USH2A: variants seen among roughly 807,000 people sequenced by gnomAD.
USH2A encodes the protein usherin.
USH2A carries 443 observed loss-of-function variants against 538.9 expected under a neutral mutation model. The ratio of observed to expected loss-of-function variants is 0.82; its 90% CI spans 0.76 to 0.89. The LOEUF is 0.89. Ranked by LOEUF, USH2A falls within the 40% of genes least tolerant of loss-of-function variation. The pLI is 0.00. For synonymous variants in USH2A, 2,413 were observed against 2,273.5 expected, an observed-to-expected ratio of 1.06 and a Z score of -1.75; for missense variants, 6,633 against 6,324.8, an observed-to-expected ratio of 1.05 and a Z score of -1.65.
intron 21 of USH2A, among the ~76,000 whole-genome samples, chr1:216,163,506 C>G (rs1223008817): frequency 6.6e-6 from 1 of 151,548 alleles, no homozygotes; most frequent in African/African-American, 2.4e-5. Flanking sequence ...GGTTATTTGG[C>G]CCTATTTTCT....
At position 215,858,741 on chromosome 1, in the gene USH2A, A is replaced by G. The variant is rs572200513; in HGVS notation, c.8845+8266T>C. 4.6e-5 allele frequency among the ~76,000 whole-genome samples: 7 copies of G among 152,210 alleles called. No individual in the cohort carries two copies. In the East Asian group the frequency reaches 1.4e-3, roughly 29 times the overall value. Reference sequence around the variant, plus strand: ...TAGTTGCAACCTCCAATCCTTGGTCAGAAATTTTATCTTAGCTGGAGCAAA... The same window carrying G: ...TAGTTGCAACCTCCAATCCTTGGTCGGAAATTTTATCTTAGCTGGAGCAAA... On this transcript the variant is annotated intron_variant, in intron 44 of 71. Coordinates refer to ENST00000307340, the MANE Select transcript of USH2A (RefSeq NM_206933.4).
chr1:216,224,922 T>C (rs1211650251), intron 14 of USH2A, among the ~76,000 whole-genome samples: 1 of 152,140 alleles, frequency 6.6e-6, no homozygotes, highest in Non-Finnish European at 1.5e-5. Flanking sequence ...TTTCCATTTG[T>C]TATAATTGGA....
chr1:215,932,414 C>T (rs984716894), intron 38 of USH2A, among the ~76,000 whole-genome samples: 1 of 151,960 alleles, frequency 6.6e-6, no homozygotes, highest in Non-Finnish European at 1.5e-5. Flanking sequence ...ACATGCTTTT[C>T]AGCATGATTT....
At chr1:216,174,719 G>T in intron 21 of USH2A, 1 of 992,592 alleles carries the variant, frequency 1.0e-6, no homozygotes, top group Non-Finnish European at 1.2e-6. Flanking sequence ...GTTCTTCATA[G>T]AACATGAGAT....
At chr1:216,337,605 G>A (rs2037998177) in intron 4 of USH2A, among the ~76,000 whole-genome samples, 1 of 151,342 alleles carries the variant, frequency 6.6e-6, no homozygotes, top group African/African-American at 2.4e-5. Context: ...TTCCATTAAA[G>A]CAATGACAAG....
intron 37 of USH2A, among the ~76,000 whole-genome samples, chr1:215,945,245 TA>T: frequency 6.6e-6 from 1 of 152,142 alleles, no homozygotes; most frequent in East Asian, 1.9e-4. Context: ...CTCTCTAATT[TA>T]AAGTTGAGCT....
intron 64 of USH2A, among the ~76,000 whole-genome samples, chr1:215,661,062 T>C (rs2102652929): frequency 6.6e-6 from 1 of 152,348 alleles, no homozygotes; most frequent in Admixed American, 6.5e-5. Context: ...TAGTGGTTTA[T>C]CAATAATCAT....
intron 4 of USH2A, among the ~76,000 whole-genome samples, chr1:216,347,470 C>T (rs35364990): frequency 0.032 from 4,896 of 152,138 alleles, 112 homozygotes; most frequent in Non-Finnish European, 0.047. Flanking sequence ...TAATTAATCT[C>T]TTAGCTATTA....
chr1:216,138,068 T>C (rs183091368), intron 21 of USH2A, among the ~76,000 whole-genome samples: 8 of 152,244 alleles, frequency 5.3e-5, no homozygotes, highest in African/African-American at 1.9e-4. Context: ...AAACAATTTC[T>C]TATGAGATAT....
At chr1:216,247,634 T>C (rs1447952647) in intron 12 of USH2A, among the ~76,000 whole-genome samples, 1 of 152,154 alleles carries the variant, frequency 6.6e-6, no homozygotes, top group African/African-American at 2.4e-5. Flanking sequence ...AGATGTTTAA[T>C]AAAAGGTTAA....
At chr1:215,850,875 A>G (rs1663999237) in intron 44 of USH2A, among the ~76,000 whole-genome samples, 1 of 152,210 alleles carries the variant, frequency 6.6e-6, no homozygotes, top group Non-Finnish European at 1.5e-5. Context: ...AAAATTGGAA[A>G]TCAACTCCAA....
chr1:215,895,294 G>A (rs954317328), intron 40 of USH2A, among the ~76,000 whole-genome samples: 10 of 152,152 alleles, frequency 6.6e-5, no homozygotes, highest in African/African-American at 2.2e-4. Flanking sequence ...CCAGACACTG[G>A]TGATAGAAAG....
Position 215,856,017 on chromosome 1 carries a change from C to T in USH2A, c.8846-9984G>A, listed in dbSNP as rs538181917. Among the ~76,000 whole-genome samples, 7 of 152,278 alleles carry T rather than the reference C, an allele frequency of 4.6e-5. No homozygotes were observed. The South Asian group carries it at 1.5e-3, about 32-fold the overall frequency. ...AATGAAACTAGATCCTCATCTCTCACCTTGTACAAAAATCAACTCAAGATG... is the reference window on the plus strand; with the variant it reads ...AATGAAACTAGATCCTCATCTCTCATCTTGTACAAAAATCAACTCAAGATG... On this transcript the variant is annotated intron_variant, in intron 44 of 71. Coordinates refer to ENST00000307340, the MANE Select transcript of USH2A (RefSeq NM_206933.4).
At chr1:216,015,906 C>T (rs547081509) in intron 32 of USH2A, among the ~76,000 whole-genome samples, 1 of 152,206 alleles carries the variant, frequency 6.6e-6, no homozygotes, top group African/African-American at 2.4e-5. Flanking sequence ...ATGTTTATTG[C>T]CGCACTATTC....
At chr1:215,966,264 A>T (rs1278502014) in intron 36 of USH2A, among the ~76,000 whole-genome samples, 1 of 152,186 alleles carries the variant, frequency 6.6e-6, no homozygotes, top group Non-Finnish European at 1.5e-5. Context: ...TCAGAGGAAG[A>T]TGTAGTTGGC....
At chr1:216,327,214 T>C (rs1441928997) in intron 5 of USH2A, among the ~76,000 whole-genome samples, 3 of 152,168 alleles carry the variant, frequency 2.0e-5, no homozygotes, top group East Asian at 3.9e-4. Flanking sequence ...CATTCTCTAG[T>C]AGGTATAAAG....
intron 4 of USH2A, among the ~76,000 whole-genome samples, chr1:216,352,709 A>C (rs1298546639): frequency 6.6e-6 from 1 of 152,120 alleles, no homozygotes; most frequent in Non-Finnish European, 1.5e-5. Flanking sequence ...AAAATTTTAC[A>C]ATACAGCAGT....
rs531630502 is a variant in USH2A, at chr1:215,785,816, G to A, written c.10387+854C>T. Among the ~76,000 whole-genome samples, 6 of 152,088 alleles carry A rather than the reference G, an allele frequency of 3.9e-5. No individual in the cohort carries two copies. In the East Asian group the frequency reaches 1.2e-3, roughly 29 times the overall value. On this transcript the variant is annotated intron_variant, in intron 52 of 71. Coordinates refer to ENST00000307340, the MANE Select transcript of USH2A (RefSeq NM_206933.4). Reference sequence around the variant, plus strand: ...TTAGCCATTATTGCCCCTTGGTTGAGTAAAGCAGACTGATGATTCATGATG... The same window carrying A: ...TTAGCCATTATTGCCCCTTGGTTGAATAAAGCAGACTGATGATTCATGATG...
intron 64 of USH2A, among the ~76,000 whole-genome samples, chr1:215,658,954 A>C (rs1391948337): frequency 4.6e-5 from 7 of 152,230 alleles, no homozygotes; most frequent in Admixed American, 4.6e-4. Flanking sequence ...AGGATAGTAA[A>C]TTAGGTAAGA....
Sources: gnomAD v4.1 joint callset for allele counts (sites outside exome capture counted in the v4.1 genomes callset) on GRCh38, gnomAD v4.1.1 for gene constraint, MANE v1.5 for transcripts, NCBI Gene and HGNC (gene_info 2026-07-23, HGNC 2026-07-21) for gene names.